SPTB: variants seen among roughly 807,000 people sequenced by gnomAD.
The protein encoded by SPTB is spectrin beta, erythrocytic.
A neutral mutation model predicts 256.2 loss-of-function variants in SPTB; 45 were observed. The observed-to-expected ratio is 0.18, with a 90% CI of 0.14 to 0.23. SPTB has a LOEUF of 0.23. Ranked by LOEUF, SPTB falls within the 10% of genes least tolerant of loss-of-function variation. SPTB has a pLI of 1.00. For missense variants in SPTB, 2,715 were observed against 3,040.4 expected (o/e 0.89, Z 2.52); for synonymous variants, 1,231 against 1,243.1 (o/e 0.99, Z 0.21).
intron 1 of SPTB, among the ~76,000 whole-genome samples, chr14:64,833,421 C>T (rs904615821): frequency 1.1e-4 from 17 of 151,892 alleles, no homozygotes; most frequent in Non-Finnish European, 2.9e-5. Flanking sequence ...CATGGTGGCG[C>T]ACACCTGTAG....
At chr14:64,814,626 G>A (rs2083155331) in intron 2 of SPTB, among the ~76,000 whole-genome samples, 1 of 152,042 alleles carries the variant, frequency 6.6e-6, no homozygotes, top group South Asian at 2.1e-4. Flanking sequence ...AGCAAATCTT[G>A]TGCCTCAGCC....
At chr14:64,766,968 C>A (rs764124689) in intron 31 of SPTB, among the ~76,000 whole-genome samples, 167 bp from the exon 32 acceptor site, 13 of 152,180 alleles carry the variant, frequency 8.5e-5, no homozygotes, top group Non-Finnish European at 1.6e-4. Context: ...CCAGCGACTT[C>A]TTCGGAAAAG....
chr14:64,842,519 C>G lies in SPTB; in HGVS notation c.-51-19374G>C, dbSNP rs572476459. Among the ~76,000 whole-genome samples, 143 of 152,298 alleles carry G rather than the reference C, an allele frequency of 9.4e-4. 2 individuals are homozygous for G. The highest frequency in any genetic ancestry group is 1.9e-4 in the East Asian group (1 of 5,188). On this transcript the variant is annotated intron_variant, in intron 1 of 35. Transcript: ENST00000644917. The stretch of plus-strand genomic sequence containing the variant: ...CCATTTACTTATAGTCCGTAAGCCT[C>G]TATTTCTTCATCTGTAAGATGAAGT...
At chr14:64,774,578 T>C in intron 23 of SPTB, 51 bp from the exon 24 acceptor site, 1 of 1,550,546 alleles carries the variant, frequency 6.4e-7, no homozygotes. Context: ...CCATGATCCC[T>C]CCCTTGGCAA....
At position 64,772,960 on chromosome 14, in the gene SPTB, C is replaced by T; in HGVS notation, c.5179-6G>A. 1 of 1,597,948 alleles carries T rather than the reference C, an allele frequency of 6.3e-7. No homozygotes were observed. On this transcript the variant is annotated splice_region_variant and splice_polypyrimidine_tract_variant and intron_variant, in intron 25 of 35. Coordinates refer to ENST00000644917, the MANE Select transcript of SPTB (RefSeq NM_001355436.2). The surrounding 1 kb of genome is among the most constrained non-coding windows in gnomAD (Gnocchi z 5.4). ...CGGAACTTGTCCCGCAGAAGCTAGG[C>T]ATGGGGCAGACAGAAATGTGGTTAT...
At chr14:64,867,859 CAAAAAAAAAAAAAAAAAAA>C (rs35825614) in intron 1 of SPTB, among the ~76,000 whole-genome samples, 1 of 124,078 alleles carries the variant, frequency 8.1e-6, no homozygotes, top group African/African-American at 3.9e-5. Flanking sequence ...GACTCTGTCT[CAAAAAAAAAAAAAAAAAAA>C]AAAAAAAAGA....
chr14:64,785,670 T>G lies in SPTB; in HGVS notation c.3765-43A>C. On this transcript the variant is annotated intron_variant, in intron 17 of 35. Coordinates refer to ENST00000644917, the MANE Select transcript of SPTB (RefSeq NM_001355436.2). This position sits in a 1 kb window ranked among gnomAD's most constrained non-coding sequence, Gnocchi z 4.4. ...AGCACAGTCACAATAGTGCCGAGCTTGGGGTCCTCACCAAGCTTGGGGTCC... is the reference window on the plus strand; with the variant it reads ...AGCACAGTCACAATAGTGCCGAGCTGGGGGTCCTCACCAAGCTTGGGGTCC... 1.2e-6 allele frequency: 2 copies of G among 1,613,634 alleles called. No individual in the cohort carries two copies. Among genetic ancestry groups the G allele is most frequent in the Non-Finnish European group, 1.7e-6 (2 of 1,179,650 alleles).
In SPTB at chr14:64,873,481, C is replaced by T. The variant is rs1051854818; in HGVS notation, c.-52+6311G>A. ...GGGTAAAGGAATGAAAAACCCAAAA[C>T]ATCAATTAACGGGCAGATGAACCCT... On this transcript the variant is annotated intron_variant, in intron 1 of 35. Coordinates refer to ENST00000644917, the MANE Select transcript of SPTB (RefSeq NM_001355436.2). The surrounding 1 kb of genome is among the most constrained non-coding windows in gnomAD (Gnocchi z 4.3). Among the ~76,000 whole-genome samples the T allele has an allele frequency of 6.6e-6, 1 of 152,188 alleles. No individual in the cohort carries two copies. The highest frequency in any genetic ancestry group is 2.4e-5 in the African/African-American group (1 of 41,440).
intron 33 of SPTB, among the ~76,000 whole-genome samples, chr14:64,750,902 TA>T (rs1235865730): frequency 6.9e-6 from 1 of 145,760 alleles, no homozygotes; most frequent in Non-Finnish European, 1.5e-5. Flanking sequence ...ATGAAATATA[TA>T]AATATATAAA....
intron 32 of SPTB, among the ~76,000 whole-genome samples, chr14:64,765,582 C>G (rs2139468737): frequency 6.6e-6 from 1 of 152,328 alleles, no homozygotes; most frequent in South Asian, 2.1e-4. Context: ...TACTCAAAGC[C>G]CTGGGATTCT....
intron 1 of SPTB, among the ~76,000 whole-genome samples, chr14:64,874,227 C>T (rs992112398): frequency 6.6e-6 from 1 of 152,204 alleles, no homozygotes; most frequent in Non-Finnish European, 1.5e-5. Flanking sequence ...CTCATCCTCC[C>T]TTCTTCCATT....
rs1395790517 is a variant in SPTB, at chr14:64,879,821, C to G, written c.-81G>C. ...CCTGGGACTGAAGCGGGGGCCACCC[C>G]GAGCCCGGGGGTGGCGGCGGCGGCG... On this transcript the variant is annotated 5_prime_UTR_variant, in exon 1 of 36. Transcript: ENST00000644917. The G allele has an allele frequency of 2.6e-5, 4 of 153,200 alleles. No homozygotes were observed. The highest frequency in any genetic ancestry group is 1.5e-5 in the Non-Finnish European group (1 of 68,422). 9.5% of individuals were successfully genotyped at this position (153,200 alleles called of 1,614,324 possible).
chr14:64,751,017 T>C (rs528891728), intron 33 of SPTB, among the ~76,000 whole-genome samples: 46 of 145,500 alleles, frequency 3.2e-4, no homozygotes, highest in African/African-American at 1.1e-3. Flanking sequence ...TATTATACAT[T>C]ATGTTATATA....
intron 32 of SPTB, chr14:64,756,559 ACT>A (rs1320366363): frequency 1.3e-5 from 2 of 151,924 alleles, no homozygotes. Context: ...ACAGAGTGAG[ACT>A]CTGTCACAAA....
Position 64,830,372 on chromosome 14 carries a change from TATTA to T in SPTB, c.-51-7231_-51-7228del, listed in dbSNP as rs1418135897. The stretch of plus-strand genomic sequence containing the variant: ...TTATTATTATTATTATTATTATTAT[TATTA>T]TTATTTTATTTTATTTTTTGAGATG... On this transcript the variant is annotated intron_variant, in intron 1 of 35. Transcript: ENST00000644917. Among the ~76,000 whole-genome samples, 35 of 72,014 alleles carry T rather than the reference TATTA, an allele frequency of 4.9e-4. 2 individuals are homozygous for T. Among genetic ancestry groups the T allele is most frequent in the East Asian group, 3.9e-3 (10 of 2,536 alleles). The allele number at this position is 72,014 out of a possible 152,430, so 47.2% of individuals were successfully genotyped here.
At position 64,803,718 on chromosome 14, in the gene SPTB, C is replaced by T. The variant is rs939349632; in HGVS notation, c.363G>A (p.Gln121=). The T allele has an allele frequency of 1.2e-5, 19 of 1,614,058 alleles. No individual in the cohort carries two copies. Among genetic ancestry groups the T allele is most frequent in the Non-Finnish European group, 1.4e-5 (16 of 1,180,026 alleles). Reference sequence around the variant, plus strand: ...GGTGTACACGCTGCTCCTTGAGGAACTGGAGAGCCTTGTCCACATTCTCCA... The same window carrying T: ...GGTGTACACGCTGCTCCTTGAGGAATTGGAGAGCCTTGTCCACATTCTCCA... ...HCLENVDKAL[Q]FLKEQRVHLE... is the part of the protein sequence containing the mutation. The change falls in exon 4 of 36, where the codon CAG becomes CAA. Residue 121 remains glutamine, a synonymous_variant. Transcript: ENST00000644917.
rs1037467779 is a variant in SPTB, at chr14:64,833,194, C to T, written c.-51-10049G>A. Among the ~76,000 whole-genome samples the T allele has an allele frequency of 2.6e-5, 4 of 152,154 alleles. No individual in the cohort carries two copies. The East Asian group carries it at 7.7e-4, about 29-fold the overall frequency. On this transcript the variant is annotated intron_variant, in intron 1 of 35. Transcript: ENST00000644917. ...CTGTTTCCTAAGCCCGAAAAATCCTCGCTCCTTTACAGAATAACTTCTTCT... is the reference window on the plus strand; with the variant it reads ...CTGTTTCCTAAGCCCGAAAAATCCTTGCTCCTTTACAGAATAACTTCTTCT...
At chr14:64,840,739 G>C (rs1018755095) in intron 1 of SPTB, among the ~76,000 whole-genome samples, 1 of 152,182 alleles carries the variant, frequency 6.6e-6, no homozygotes, top group Non-Finnish European at 1.5e-5. Context: ...TACTTCTGGA[G>C]TCTGTCAATG....
chr14:64,787,603 C>A (rs1056398273), intron 15 of SPTB, among the ~76,000 whole-genome samples: 1 of 152,170 alleles, frequency 6.6e-6, no homozygotes, highest in African/African-American at 2.4e-5. Flanking sequence ...CCACATGCAA[C>A]GTCTCCTAGG....
Sources: gnomAD v4.1 joint callset for allele counts (sites outside exome capture counted in the v4.1 genomes callset) on GRCh38, gnomAD v4.1.1 for gene constraint, Gnocchi (gnomAD v3.1) non-coding constraint, MANE v1.5 for transcripts, NCBI Gene and HGNC (gene_info 2026-07-23, HGNC 2026-07-21) for gene names.